The following TENT5C variants were observed in gnomAD, a reference collection of about 807,000 sequenced individuals.
TENT5C encodes terminal nucleotidyltransferase 5C.
A neutral mutation model predicts 22.2 loss-of-function variants in TENT5C; 5 were observed. The ratio of observed to expected loss-of-function variants is 0.22; its 90% CI spans 0.12 to 0.47. TENT5C has a LOEUF of 0.47. Ranked by LOEUF, TENT5C falls within the 20% of genes least tolerant of loss-of-function variation. The pLI, the probability that TENT5C is intolerant of heterozygous loss-of-function variation, is 0.99. For synonymous variants in TENT5C, 199 were observed against 195.4 expected (o/e 1.02, Z -0.15); for missense variants, 364 against 500.9 (o/e 0.73, Z 2.61).
chr1:117,613,443 C>G (rs826413), intron 1 of TENT5C, among the ~76,000 whole-genome samples: 90 of 152,334 alleles, frequency 5.9e-4, no homozygotes, highest in African/African-American at 2.1e-3. Context: ...TATCTCTCCA[C>G]CCACACTTGC....
chr1:117,623,339 C>G lies in TENT5C; in HGVS notation c.471C>G (p.Leu157=), dbSNP rs778842846. 1 of 1,614,196 alleles carries G rather than the reference C, an allele frequency of 6.2e-7. No homozygotes were observed. Among genetic ancestry groups the G allele is most frequent in the Admixed American group, 1.7e-5 (1 of 60,016 alleles). The change falls in exon 2 of 2, where the codon CTC becomes CTG. Residue 157 remains leucine, a synonymous_variant. Transcript: ENST00000369448. The part of the protein sequence containing the change: ...TDTDRWSLIS[L]SNKNGKNVEL... ...CTGACCGCTGGAGCCTGATCTCCCT[C>G]TCCAACAAGAACGGGAAGAACGTGG...
chr1:117,622,740 AT>A, intron 1 of TENT5C, 101 bp from the exon 2 acceptor site: 1 of 774,862 alleles, frequency 1.3e-6, no homozygotes, highest in African/African-American at 1.7e-5. Flanking sequence ...ATTTATCACC[AT>A]TTTACAGGAA....
chr1:117,628,308 A>C lies in TENT5C; in HGVS notation c.*4264A>C, dbSNP rs1341580454. ...AGATAAAATCACTTGTCAATGCAAAATGTGTTAGAACTTGATAAAGCTTTG... is the reference window on the plus strand; with the variant it reads ...AGATAAAATCACTTGTCAATGCAAACTGTGTTAGAACTTGATAAAGCTTTG... On this transcript the variant is annotated 3_prime_UTR_variant, in exon 2 of 2. Coordinates refer to ENST00000369448, the MANE Select transcript of TENT5C (RefSeq NM_017709.4). The C allele has an allele frequency of 4.1e-6, 1 of 246,280 alleles. No individual in the cohort carries two copies. Among genetic ancestry groups the C allele is most frequent in the Non-Finnish European group, 8.5e-6 (1 of 117,050 alleles). The allele number at this position is 246,280 out of a possible 1,614,324, so 15.3% of individuals were successfully genotyped here.
chr1:117,626,300 C>G lies in TENT5C; in HGVS notation c.*2256C>G, dbSNP rs1005735385. On this transcript the variant is annotated 3_prime_UTR_variant, in exon 2 of 2. Transcript: ENST00000369448. Reference sequence around the variant, plus strand: ...TCTTTCTGCTTATGTTTTTTCCCCCCCATCTGGTAATAGTCCTCTTCTGAG... The same window carrying G: ...TCTTTCTGCTTATGTTTTTTCCCCCGCATCTGGTAATAGTCCTCTTCTGAG... 8.1e-5 allele frequency: 20 copies of G among 247,820 alleles called. No individual in the cohort carries two copies. The highest frequency in any genetic ancestry group is 4.2e-4 in the African/African-American group (19 of 45,290). The allele number at this position is 247,820 out of a possible 1,614,324, so 15.4% of individuals were successfully genotyped here.
Position 117,623,383 on chromosome 1 carries a change from C to A in TENT5C, c.515C>A (p.Ser172Tyr). 1 of 1,614,170 alleles carries A rather than the reference C, an allele frequency of 6.2e-7. No homozygotes were observed. Among genetic ancestry groups the A allele is most frequent in the South Asian group, 1.1e-5 (1 of 91,076 alleles). ...GKNVELKFVD[S>Y]IRRQFEFSVD... ...AACGTGGAGCTGAAGTTTGTCGACT[C>A]CATTCGGCGTCAGTTTGAGTTCAGT... The change falls in exon 2 of 2, where the codon TCC becomes TAC. Residue 172 changes from serine to tyrosine, a missense_variant. Coordinates refer to ENST00000369448, the MANE Select transcript of TENT5C (RefSeq NM_017709.4).
intron 1 of TENT5C, among the ~76,000 whole-genome samples, chr1:117,606,478 G>GA (rs1653537646): frequency 6.6e-6 from 1 of 152,198 alleles, no homozygotes; most frequent in African/African-American, 2.4e-5. Flanking sequence ...CGTCCTGCAG[G>GA]CTGCGCGCTG....
chr1:117,618,214 T>A (rs1301841309), intron 1 of TENT5C, among the ~76,000 whole-genome samples: 1 of 152,186 alleles, frequency 6.6e-6, no homozygotes, highest in East Asian at 1.9e-4. Flanking sequence ...ATTGTATTTC[T>A]GAAAAAAGTG....
At chr1:117,616,293 C>A (rs536303703) in intron 1 of TENT5C, among the ~76,000 whole-genome samples, 1 of 152,338 alleles carries the variant, frequency 6.6e-6, no homozygotes, top group South Asian at 2.1e-4. Flanking sequence ...CACCTCTACA[C>A]CCTTCATTTC....
In TENT5C at chr1:117,627,491, AG is replaced by A. The variant is rs1461785920; in HGVS notation, c.*3448del. The A allele has an allele frequency of 8.1e-6, 2 of 247,992 alleles. No individual in the cohort carries two copies. The highest frequency in any genetic ancestry group is 1.7e-5 in the Non-Finnish European group (2 of 118,108). The allele number at this position is 247,992 out of a possible 1,614,324, so 15.4% of individuals were successfully genotyped here. On this transcript the variant is annotated 3_prime_UTR_variant, in exon 2 of 2. Coordinates refer to ENST00000369448, the MANE Select transcript of TENT5C (RefSeq NM_017709.4). ...TGTATTGGGATACAGCTATATTCTT[AG>A]CTCAAATGTCCTCTTTTTGAGAGCA...
intron 1 of TENT5C, among the ~76,000 whole-genome samples, chr1:117,610,532 GTTGT>G (rs1251970813): frequency 6.6e-6 from 1 of 152,098 alleles, no homozygotes; most frequent in Non-Finnish European, 1.5e-5. Context: ...ATACTTTGTT[GTTGT>G]TTGTTCTTTT....
At chr1:117,608,659 A>G (rs1653598817) in intron 1 of TENT5C, among the ~76,000 whole-genome samples, 1 of 152,186 alleles carries the variant, frequency 6.6e-6, no homozygotes, top group African/African-American at 2.4e-5. Context: ...CTGCTCAAGT[A>G]CATAGGACCT....
chr1:117,627,531 A>G lies in TENT5C; in HGVS notation c.*3487A>G, dbSNP rs1191904662. 4.0e-6 allele frequency: 1 copy of G among 248,052 alleles called. No homozygotes were observed. The highest frequency in any genetic ancestry group is 8.5e-6 in the Non-Finnish European group (1 of 118,128). 15.4% of individuals were successfully genotyped at this position (248,052 alleles called of 1,614,324 possible). On this transcript the variant is annotated 3_prime_UTR_variant, in exon 2 of 2. Coordinates refer to ENST00000369448, the MANE Select transcript of TENT5C (RefSeq NM_017709.4). The stretch of plus-strand genomic sequence containing the variant: ...TTTTTGAGAGCAAAGTAGTTATCCA[A>G]TGGTGAGACGAGACCCTGACGCTCA...
intron 1 of TENT5C, among the ~76,000 whole-genome samples, chr1:117,617,969 C>T (rs531056220): frequency 1.3e-5 from 2 of 152,316 alleles, no homozygotes. Context: ...ATTTTATGCT[C>T]TTCCAATGAG....
In TENT5C at chr1:117,622,839, C is replaced by G; in HGVS notation, c.-27-3C>G. 1 of 1,592,038 alleles carries G rather than the reference C, an allele frequency of 6.3e-7. No individual in the cohort carries two copies. The highest frequency in any genetic ancestry group is 8.6e-7 in the Non-Finnish European group (1 of 1,163,454). ...AACTCTGCTTCTCACCCCTCACTTT[C>G]AGTTTCCCCAGCCAGAACATCCCCT... is the stretch of plus-strand genomic sequence containing the variant. On this transcript the variant is annotated splice_region_variant and splice_polypyrimidine_tract_variant and intron_variant, in intron 1 of 1. Coordinates refer to ENST00000369448, the MANE Select transcript of TENT5C (RefSeq NM_017709.4).
Position 117,625,540 on chromosome 1 carries a change from C to T in TENT5C, c.*1496C>T, listed in dbSNP as rs1653989194. 4.0e-6 allele frequency: 1 copy of T among 247,894 alleles called. No homozygotes were observed. Among genetic ancestry groups the T allele is most frequent in the African/African-American group, 2.2e-5 (1 of 45,310 alleles). 15.4% of individuals were successfully genotyped at this position (247,894 alleles called of 1,614,324 possible). A position where few individuals can be genotyped will look rare whatever the true frequency, so the allele number is the denominator to read the frequency against. The stretch of plus-strand genomic sequence containing the variant: ...TGGGATCCCTTAGAAAGCATCACTT[C>T]AGGGCAGAGACACTCAATATTGCCA... On this transcript the variant is annotated 3_prime_UTR_variant, in exon 2 of 2. Coordinates refer to ENST00000369448, the MANE Select transcript of TENT5C (RefSeq NM_017709.4).
At chr1:117,614,397 A>G (rs1653735713) in intron 1 of TENT5C, among the ~76,000 whole-genome samples, 1 of 152,188 alleles carries the variant, frequency 6.6e-6, no homozygotes, top group South Asian at 2.1e-4. Flanking sequence ...CTTATGGGTG[A>G]AAGAATCTCA....
At chr1:117,614,721 T>A (rs2101075333) in intron 1 of TENT5C, among the ~76,000 whole-genome samples, 1 of 152,322 alleles carries the variant, frequency 6.6e-6, no homozygotes, top group Non-Finnish European at 1.5e-5. Context: ...AATTGTTCCT[T>A]TATTCCATGA....
chr1:117,616,864 T>G (rs1013008160), intron 1 of TENT5C, among the ~76,000 whole-genome samples: 2 of 152,184 alleles, frequency 1.3e-5, no homozygotes, highest in Non-Finnish European at 2.9e-5. Flanking sequence ...TTCCTGAAAT[T>G]TTCTAGACAA....
At chr1:117,619,045 T>C (rs1439830046) in intron 1 of TENT5C, among the ~76,000 whole-genome samples, 1 of 152,242 alleles carries the variant, frequency 6.6e-6, no homozygotes, top group East Asian at 1.9e-4. Context: ...CTGTATTGTT[T>C]TATACACACA....
Sources: allele counts gnomAD v4.1 joint callset (sites outside exome capture counted in the v4.1 genomes callset), GRCh38; gene constraint gnomAD v4.1.1; transcripts MANE v1.5; gene names NCBI Gene and HGNC (gene_info 2026-07-23, HGNC 2026-07-21).